Variants in SDK1 observed in about 807,000 individuals in gnomAD.
SDK1 encodes the protein sidekick cell adhesion molecule 1, also known as protein sidekick-1.
Under a neutral mutation model 245.5 loss-of-function variants are expected in SDK1, and 157 were observed. That is an observed-to-expected ratio of 0.64 (90% CI 0.56 to 0.73). The LOEUF (loss-of-function observed/expected upper bound fraction) is 0.73. Among genes scored for constraint, SDK1 ranks in the 30% least tolerant of loss-of-function variants. The pLI is 0.00. For synonymous variants in SDK1, 1,647 were observed against 1,278.5 expected (o/e 1.29, Z -6.15); for missense variants, 3,583 against 3,002.3 (o/e 1.19, Z -4.52).
intron 38 of SDK1, among the ~76,000 whole-genome samples, chr7:4,212,585 C>G (rs1784565222): frequency 6.6e-6 from 1 of 152,204 alleles, no homozygotes; most frequent in Non-Finnish European, 1.5e-5. Flanking sequence ...GAGTGCCCAG[C>G]ACCTGCCTGG....
chr7:3,763,054 C>G (rs1026497608), intron 4 of SDK1, among the ~76,000 whole-genome samples: 17 of 152,120 alleles, frequency 1.1e-4, no homozygotes, highest in Non-Finnish European at 2.9e-5. Context: ...AGTACCCTAT[C>G]CTGTGTCAAC....
At chr7:3,534,475 C>T (rs752480487) in intron 1 of SDK1, among the ~76,000 whole-genome samples, 5 of 152,086 alleles carry the variant, frequency 3.3e-5, no homozygotes, top group South Asian at 2.1e-4. Context: ...TTTTCCATAA[C>T]GGTTGTACAG....
At chr7:3,430,122 G>T (rs551177151) in intron 1 of SDK1, among the ~76,000 whole-genome samples, 4 of 152,258 alleles carry the variant, frequency 2.6e-5, no homozygotes, top group African/African-American at 4.8e-5. Flanking sequence ...AGGACAGTAG[G>T]CCTGTGTTTA....
chr7:3,535,826 C>G (rs991291350), intron 1 of SDK1, among the ~76,000 whole-genome samples: 1 of 152,090 alleles, frequency 6.6e-6, no homozygotes, highest in Non-Finnish European at 1.5e-5. Flanking sequence ...TAAGTTCTTG[C>G]AGATATTCTC....
At chr7:3,879,442 C>T (rs1781152379) in intron 5 of SDK1, among the ~76,000 whole-genome samples, 1 of 152,118 alleles carries the variant, frequency 6.6e-6, no homozygotes, top group African/African-American at 2.4e-5. Context: ...AGCCACTTGC[C>T]CCTGATGTCA....
chr7:3,320,522 C>G (rs542602143), intron 1 of SDK1, among the ~76,000 whole-genome samples: 2 of 152,210 alleles, frequency 1.3e-5, no homozygotes, highest in South Asian at 4.1e-4. Context: ...TATGAAAACC[C>G]TAAAGATGAA....
At chr7:4,135,860 A>G (rs1779049684) in intron 28 of SDK1, among the ~76,000 whole-genome samples, 2 of 152,138 alleles carry the variant, frequency 1.3e-5, no homozygotes, top group Non-Finnish European at 2.9e-5. Context: ...CTCCTCCTAG[A>G]CCATTGGGGG....
At chr7:3,359,560 G>A (rs1272940064) in intron 1 of SDK1, among the ~76,000 whole-genome samples, 1 of 152,104 alleles carries the variant, frequency 6.6e-6, no homozygotes, top group African/African-American at 2.4e-5. Context: ...CACCTGGCCA[G>A]GGATGCATTC....
At chr7:4,021,486 A>G (rs1253685802) in intron 17 of SDK1, among the ~76,000 whole-genome samples, 9 of 152,170 alleles carry the variant, frequency 5.9e-5, no homozygotes, top group Non-Finnish European at 1.3e-4. Flanking sequence ...CTTTTCTCAC[A>G]TCAGGGGGTT....
chr7:3,434,152 A>AT (rs1222035400), intron 1 of SDK1, among the ~76,000 whole-genome samples: 7 of 151,454 alleles, frequency 4.6e-5, no homozygotes, highest in African/African-American at 1.2e-4. Context: ...TTTTGTGATG[A>AT]TTTTTTTTTC....
intron 4 of SDK1, among the ~76,000 whole-genome samples, chr7:3,773,867 C>T (rs750838154): frequency 3.3e-5 from 5 of 152,196 alleles, no homozygotes; most frequent in Non-Finnish European, 7.3e-5. Flanking sequence ...ATATCCTAAT[C>T]TTCAATGTCT....
At chr7:3,672,781 ATATATATATATAT>A (rs1562646742) in intron 4 of SDK1, among the ~76,000 whole-genome samples, 6 of 102,324 alleles carry the variant, frequency 5.9e-5, no homozygotes, top group Non-Finnish European at 1.0e-4. Context: ...ATATATATAT[ATATATATATATAT>A]AAAAAATACA....
At chr7:3,669,209 A>G (rs1355724183) in intron 4 of SDK1, among the ~76,000 whole-genome samples, 1 of 152,244 alleles carries the variant, frequency 6.6e-6, no homozygotes, top group Admixed American at 6.5e-5. Context: ...TGTGGAATTG[A>G]AATCCCAAAT....
chr7:4,095,025 C>T (rs1021644529), intron 22 of SDK1, among the ~76,000 whole-genome samples: 1 of 152,310 alleles, frequency 6.6e-6, no homozygotes, highest in Admixed American at 6.5e-5. Flanking sequence ...TTAGCTCTGG[C>T]CTGAGGGTGT....
At chr7:4,165,122 G>C (rs574641324) in intron 32 of SDK1, among the ~76,000 whole-genome samples, 1 of 152,152 alleles carries the variant, frequency 6.6e-6, no homozygotes, top group South Asian at 2.1e-4. Flanking sequence ...ACTTTGGGAG[G>C]CTGAGGCGGG....
intron 36 of SDK1, among the ~76,000 whole-genome samples, chr7:4,207,686 C>A (rs939075033): frequency 2.0e-5 from 3 of 152,056 alleles, no homozygotes; most frequent in Non-Finnish European, 4.4e-5. Flanking sequence ...GGGCGGCTTC[C>A]CTTCTCTCCA....
chr7:3,882,573 T>A (rs914667447), intron 5 of SDK1, among the ~76,000 whole-genome samples: 1 of 152,244 alleles, frequency 6.6e-6, no homozygotes, highest in African/African-American at 2.4e-5. Flanking sequence ...TAGTCTGGGA[T>A]GAAATTTACT....
intron 20 of SDK1, among the ~76,000 whole-genome samples, chr7:4,074,884 C>CTCTCTCTCTCTCTCTCTGTG (rs1377225405): frequency 3.2e-5 from 2 of 62,454 alleles, no homozygotes; most frequent in African/African-American, 2.4e-4. Context: ...CTCTCTCTCT[C>CTCTCTCTCTCTCTCTCTGTG]TGTATATATA....
chr7:3,333,207 G>T (rs1402612853), intron 1 of SDK1, among the ~76,000 whole-genome samples: 1 of 152,128 alleles, frequency 6.6e-6, no homozygotes, highest in Non-Finnish European at 1.5e-5. Context: ...TTCTACTGAA[G>T]GCCAAAATGC....
Sources: gnomAD v4.1 joint callset for allele counts (sites outside exome capture counted in the v4.1 genomes callset) on GRCh38, gnomAD v4.1.1 for gene constraint, MANE v1.5 for transcripts, NCBI Gene and HGNC (gene_info 2026-07-23, HGNC 2026-07-21) for gene names.